Variants in ZNF277 observed in about 807,000 individuals in gnomAD.
ZNF277 encodes nuclear receptor-interacting factor 4.
A neutral mutation model predicts 60.7 loss-of-function variants in ZNF277; 55 were observed. That is an observed-to-expected ratio of 0.91 (90% CI 0.73 to 1.13). The LOEUF is 1.13. Ranked by LOEUF, ZNF277 falls within the 50% of genes most tolerant of loss-of-function variation. The pLI, the probability that ZNF277 is intolerant of heterozygous loss-of-function variation, is 0.00. For missense variants in ZNF277, 510 were observed against 523.0 expected, an observed-to-expected ratio of 0.98 and a Z score of 0.24; for synonymous variants, 178 against 179.3, an observed-to-expected ratio of 0.99 and a Z score of 0.06.
At chr7:112,310,376 A>G (rs1486025185) in intron 4 of ZNF277, among the ~76,000 whole-genome samples, 1 of 151,680 alleles carries the variant, frequency 6.6e-6, no homozygotes, top group Non-Finnish European at 1.5e-5. Context: ...AATTCTCCAC[A>G]CAAACCCTTT....
At chr7:112,283,642 G>A (rs1322071413) in intron 1 of ZNF277, among the ~76,000 whole-genome samples, 2 of 152,084 alleles carry the variant, frequency 1.3e-5, no homozygotes, top group East Asian at 3.8e-4. Context: ...AGGCAGTTTG[G>A]TTCTCATATG....
intron 1 of ZNF277, among the ~76,000 whole-genome samples, chr7:112,211,334 C>T (rs1821743448): frequency 6.6e-6 from 1 of 152,216 alleles, no homozygotes; most frequent in Non-Finnish European, 1.5e-5. Context: ...TTTTCTGCGC[C>T]TGTAGTATAT....
At position 112,312,190 on chromosome 7, in the gene ZNF277, A is replaced by C. The variant is rs548477325; in HGVS notation, c.466-5992A>C. On this transcript the variant is annotated intron_variant, in intron 4 of 11. Transcript: ENST00000361822. ...AACAACGTTTTCCTATCAGTCATTCATATACTTTGGAAGACTATTAGTTTG... is the reference window on the plus strand; with the variant it reads ...AACAACGTTTTCCTATCAGTCATTCCTATACTTTGGAAGACTATTAGTTTG... Among the ~76,000 whole-genome samples, 6 of 152,200 alleles carry C rather than the reference A, an allele frequency of 3.9e-5. No homozygotes were observed. The East Asian group carries it at 1.2e-3, about 29-fold the overall frequency.
chr7:112,321,827 A>G (rs1792989072), intron 5 of ZNF277, among the ~76,000 whole-genome samples: 1 of 152,036 alleles, frequency 6.6e-6, no homozygotes, highest in Admixed American at 6.6e-5. Flanking sequence ...TAGTTTCCAT[A>G]ATTTCTGGTG....
intron 11 of ZNF277, among the ~76,000 whole-genome samples, chr7:112,341,895 A>G (rs1452035157): frequency 2.0e-5 from 3 of 152,148 alleles, no homozygotes; most frequent in Non-Finnish European, 2.9e-5. Context: ...CCCTGTTTTT[A>G]TGATCCTTCT....
intron 1 of ZNF277, among the ~76,000 whole-genome samples, chr7:112,257,861 T>C (rs1003987203): frequency 3.9e-5 from 6 of 152,126 alleles, no homozygotes; most frequent in Non-Finnish European, 7.4e-5. Flanking sequence ...TTGCCCAGGC[T>C]GGGGTGCAGT....
intron 6 of ZNF277, among the ~76,000 whole-genome samples, chr7:112,328,658 C>T (rs989599759): frequency 2.0e-5 from 3 of 151,986 alleles, no homozygotes; most frequent in Non-Finnish European, 4.4e-5. Flanking sequence ...ATCACCTGAG[C>T]TCGGGATTTT....
intron 1 of ZNF277, among the ~76,000 whole-genome samples, chr7:112,261,379 A>G (rs1223085673): frequency 1.2e-4 from 19 of 152,216 alleles, no homozygotes; most frequent in Non-Finnish European, 1.5e-5. Context: ...TAAATTTGCT[A>G]CATCCCATAA....
intron 1 of ZNF277, among the ~76,000 whole-genome samples, chr7:112,275,807 T>C (rs1791779176): frequency 6.6e-6 from 1 of 152,210 alleles, no homozygotes; most frequent in South Asian, 2.1e-4. Flanking sequence ...ACATTCATAA[T>C]CTATAGCCAA....
chr7:112,305,797 C>G (rs570625793), intron 4 of ZNF277, among the ~76,000 whole-genome samples: 102 of 152,166 alleles, frequency 6.7e-4, no homozygotes, highest in African/African-American at 2.4e-3. Context: ...ATACCACTCT[C>G]CATGCCTTGA....
chr7:112,288,051 C>T (rs1792113540), intron 2 of ZNF277: 1 of 152,120 alleles, frequency 6.6e-6, no homozygotes, highest in Admixed American at 6.6e-5. Context: ...TGGGTCCTTC[C>T]AGTAATTCCA....
intron 1 of ZNF277, among the ~76,000 whole-genome samples, chr7:112,247,829 A>G (rs1047410255): frequency 1.1e-4 from 16 of 152,064 alleles, no homozygotes; most frequent in African/African-American, 3.4e-4. Flanking sequence ...TTAGCCAGGC[A>G]TGGTTGCGGG....
chr7:112,213,462 T>C (rs1025174630), intron 1 of ZNF277, among the ~76,000 whole-genome samples: 1 of 152,202 alleles, frequency 6.6e-6, no homozygotes, highest in Non-Finnish European at 1.5e-5. Flanking sequence ...AGAGAAGAGC[T>C]CTTATTAAAA....
chr7:112,272,641 A>G (rs1791698654), intron 1 of ZNF277, among the ~76,000 whole-genome samples: 1 of 152,072 alleles, frequency 6.6e-6, no homozygotes, highest in Non-Finnish European at 1.5e-5. Flanking sequence ...TTATAGGCAC[A>G]CACCATCATG....
At chr7:112,318,160 T>G (rs1304136034) in intron 4 of ZNF277, 22 bp from the exon 5 acceptor site, 1 of 1,595,410 alleles carries the variant, frequency 6.3e-7, no homozygotes, top group Non-Finnish European at 8.6e-7. Flanking sequence ...GATAATACCA[T>G]AAATCTGTTT....
intron 1 of ZNF277, among the ~76,000 whole-genome samples, chr7:112,277,076 GATTTT>G (rs1791816106): frequency 8.4e-6 from 1 of 119,562 alleles, no homozygotes. Flanking sequence ...AGAATCTGTT[GATTTT>G]TTTTTTTTTT....
In ZNF277 at chr7:112,337,809, T is replaced by C. The variant is rs1344929446; in HGVS notation, c.949T>C (p.Leu317=). Residue 317 remains leucine (L), a synonymous_variant, in exon 9 of 12, where the codon TTG becomes CTG. Transcript: ENST00000361822. ...AAAGCAAGCAGAAACAATTGAGAAG[T>C]TGTATGTCCACATGGAGGTAAGATA... The part of the protein sequence containing the change: ...CEKQAETIEK[L]YVHMEDAHEF... The C allele has an allele frequency of 6.2e-7, 1 of 1,611,522 alleles. No individual in the cohort carries two copies. Among genetic ancestry groups the C allele is most frequent in the Admixed American group, 1.7e-5 (1 of 59,984 alleles).
chr7:112,307,654 A>G (rs1792632104), intron 4 of ZNF277, among the ~76,000 whole-genome samples: 1 of 151,684 alleles, frequency 6.6e-6, no homozygotes, highest in South Asian at 2.1e-4. Flanking sequence ...ACCTCAAGTG[A>G]TCCACCCGCC....
intron 2 of ZNF277, chr7:112,287,372 C>G (rs1471888632): frequency 3.5e-6 from 1 of 285,602 alleles, no homozygotes; most frequent in Non-Finnish European, 6.5e-6. Flanking sequence ...GAGACCCTGT[C>G]TCTTAAGAAA....
Sources: gnomAD v4.1 joint callset for allele counts (sites outside exome capture counted in the v4.1 genomes callset) on GRCh38, gnomAD v4.1.1 for gene constraint, MANE v1.5 for transcripts, NCBI Gene and HGNC (gene_info 2026-07-23, HGNC 2026-07-21) for gene names.